TECRL: variants seen among roughly 807,000 people sequenced by gnomAD.
The protein encoded by TECRL is trans-2,3-enoyl-CoA reductase like, also known as trans-2,3-enoyl-CoA reductase-like.
A neutral mutation model predicts 52.8 loss-of-function variants in TECRL; 63 were observed. That is an observed-to-expected ratio of 1.19 (90% CI 0.97 to 1.47). The LOEUF is 1.47. Ranked by LOEUF, TECRL falls within the 40% of genes most tolerant of loss-of-function variation. The probability of loss-of-function intolerance (pLI) is 0.00; values close to 1 mark genes in which losing one functional copy is unlikely to be tolerated. For synonymous variants in TECRL, 164 were observed against 141.9 expected (o/e 1.16, Z -1.10); for missense variants, 482 against 429.6 (o/e 1.12, Z -1.08).
chr4:64,311,819 T>A (rs1205143093), intron 5 of TECRL, among the ~76,000 whole-genome samples: 2 of 152,204 alleles, frequency 1.3e-5, no homozygotes, highest in African/African-American at 4.8e-5. Context: ...TAAATAGGTG[T>A]GAATCCAATT....
At position 64,279,972 on chromosome 4, in the gene TECRL, G is replaced by A; in HGVS notation, c.*100C>T. 2 of 1,444,844 alleles carry A rather than the reference G, an allele frequency of 1.4e-6. No homozygotes were observed. The highest frequency in any genetic ancestry group is 1.8e-6 in the Non-Finnish European group (2 of 1,095,256). The allele number at this position is 1,444,844 out of a possible 1,614,324, so 89.5% of individuals were successfully genotyped here. ...ATTTTTACTCAGTGTATATACTGTT[G>A]CTCATGAATTGTTGGAGTATAATAG... On this transcript the variant is annotated 3_prime_UTR_variant, in exon 12 of 12. Coordinates refer to ENST00000381210, the MANE Select transcript of TECRL (RefSeq NM_001010874.5).
At chr4:64,332,018 A>G (rs1328513699) in intron 2 of TECRL, among the ~76,000 whole-genome samples, 1 of 152,192 alleles carries the variant, frequency 6.6e-6, no homozygotes, top group Non-Finnish European at 1.5e-5. Context: ...ATTTTATCAA[A>G]ATCTCCACAG....
intron 2 of TECRL, among the ~76,000 whole-genome samples, chr4:64,342,762 CA>C (rs1426014190): frequency 6.6e-6 from 1 of 151,728 alleles, no homozygotes; most frequent in African/African-American, 2.4e-5. Context: ...TGTCAAATTA[CA>C]AAAAAATTAT....
At position 64,393,897 on chromosome 4, in the gene TECRL, A is replaced by C. The variant is rs184340623; in HGVS notation, c.234+15221T>G. ...TATTTCTGAAGAGCTAGCTAGCTAG[A>C]TAAAAATAAAATGTTACATACATAT... On this transcript the variant is annotated intron_variant, in intron 1 of 11. Coordinates refer to ENST00000381210, the MANE Select transcript of TECRL (RefSeq NM_001010874.5). Among the ~76,000 whole-genome samples the C allele has an allele frequency of 2.4e-3, 365 of 152,132 alleles. 1 individual carries two copies. Among genetic ancestry groups the C allele is most frequent in the African/African-American group, 8.1e-3 (337 of 41,542 alleles).
At chr4:64,297,125 T>C (rs1018541986) in intron 8 of TECRL, among the ~76,000 whole-genome samples, 1 of 151,530 alleles carries the variant, frequency 6.6e-6, no homozygotes, top group Non-Finnish European at 1.5e-5. Context: ...TAAATTATTT[T>C]GTTTTCCTTA....
At chr4:64,361,514 C>T (rs1388912640) in intron 2 of TECRL, among the ~76,000 whole-genome samples, 1 of 152,136 alleles carries the variant, frequency 6.6e-6, no homozygotes, top group African/African-American at 2.4e-5. Flanking sequence ...CAGCACAGTA[C>T]ACACTTAACC....
chr4:64,299,033 T>C (rs1723851964), intron 8 of TECRL: 1 of 151,230 alleles, frequency 6.6e-6, no homozygotes, highest in African/African-American at 2.4e-5. Context: ...AAATTCCAAA[T>C]ACATAAATAA....
At position 64,339,495 on chromosome 4, in the gene TECRL, A is replaced by G. The variant is rs186617871; in HGVS notation, c.287-10939T>C. ...ATTTGTTTTCCATTTTCCTTGTGGA[A>G]TGCATATCACTAGACTTTACTATCT... On this transcript the variant is annotated intron_variant, in intron 2 of 11. Transcript: ENST00000381210. 2.0e-5 allele frequency among the ~76,000 whole-genome samples: 3 copies of G among 152,144 alleles called. No individual in the cohort carries two copies. In the East Asian group the frequency reaches 5.8e-4, roughly 29 times the overall value.
chr4:64,406,300 G>A (rs1724723363), intron 1 of TECRL, among the ~76,000 whole-genome samples: 1 of 151,646 alleles, frequency 6.6e-6, no homozygotes, highest in Admixed American at 6.6e-5. Flanking sequence ...TAAAGTTTGA[G>A]TAATAGACAT....
intron 1 of TECRL, among the ~76,000 whole-genome samples, chr4:64,382,887 T>C (rs1722917176): frequency 6.6e-6 from 1 of 152,130 alleles, no homozygotes; most frequent in Non-Finnish European, 1.5e-5. Context: ...ATGAGTTTTA[T>C]ACTTTTTTGT....
chr4:64,367,019 A>G (rs1312605805), intron 2 of TECRL, among the ~76,000 whole-genome samples: 1 of 152,178 alleles, frequency 6.6e-6, no homozygotes, highest in Non-Finnish European at 1.5e-5. Flanking sequence ...TAAAGAAAAT[A>G]TGGTACATAT....
chr4:64,306,659 T>A (rs922232189), intron 6 of TECRL, among the ~76,000 whole-genome samples: 1 of 152,106 alleles, frequency 6.6e-6, no homozygotes, highest in African/African-American at 2.4e-5. Flanking sequence ...ATTTAGAGAG[T>A]TTCCTTTCTC....
intron 7 of TECRL, among the ~76,000 whole-genome samples, chr4:64,301,597 A>T (rs1033937384): frequency 6.6e-6 from 1 of 151,278 alleles, no homozygotes; most frequent in Non-Finnish European, 1.5e-5. Flanking sequence ...GTTAAAATTG[A>T]TAAGTGCTAC....
intron 4 of TECRL, among the ~76,000 whole-genome samples, chr4:64,320,323 C>T (rs1250180004): frequency 8.6e-5 from 13 of 151,814 alleles, no homozygotes; most frequent in African/African-American, 3.1e-4. Context: ...ATTATAGGAA[C>T]AAATTTTCAT....
At chr4:64,339,593 T>A (rs1474460663) in intron 2 of TECRL, among the ~76,000 whole-genome samples, 1 of 152,038 alleles carries the variant, frequency 6.6e-6, no homozygotes, top group Non-Finnish European at 1.5e-5. Context: ...GCATAGCACA[T>A]CCTCTCCTCC....
intron 2 of TECRL, among the ~76,000 whole-genome samples, chr4:64,339,236 G>GT (rs1306980445): frequency 7.4e-6 from 1 of 135,064 alleles, no homozygotes; most frequent in Non-Finnish European, 1.5e-5. Context: ...TGAACAATGA[G>GT]AACACTTGGA....
intron 2 of TECRL, among the ~76,000 whole-genome samples, chr4:64,366,223 C>T (rs1254618039): frequency 6.6e-6 from 1 of 151,922 alleles, no homozygotes; most frequent in African/African-American, 2.4e-5. Context: ...GCACTATACA[C>T]AAAATTCAGC....
chr4:64,400,532 A>G (rs1462477400), intron 1 of TECRL, among the ~76,000 whole-genome samples: 2 of 151,960 alleles, frequency 1.3e-5, no homozygotes, highest in African/African-American at 4.8e-5. Flanking sequence ...ATAGTTTGGG[A>G]ATTTGTCCCT....
chr4:64,406,967 C>G (rs1191335211), intron 1 of TECRL, among the ~76,000 whole-genome samples: 1 of 150,902 alleles, frequency 6.6e-6, no homozygotes, highest in Admixed American at 6.6e-5. Flanking sequence ...ATAAATAAAT[C>G]AGTCTTTTTT....
Sources: allele counts gnomAD v4.1 joint callset (sites outside exome capture counted in the v4.1 genomes callset), GRCh38; gene constraint gnomAD v4.1.1; transcripts MANE v1.5; gene names NCBI Gene and HGNC (gene_info 2026-07-23, HGNC 2026-07-21).